Variants in PATJ observed in about 807,000 individuals in gnomAD.
PATJ encodes PATJ crumbs cell polarity complex component.
A neutral mutation model predicts 224.9 loss-of-function variants in PATJ; 190 were observed. The observed-to-expected ratio is 0.84, with a 90% CI of 0.75 to 0.95. The LOEUF (loss-of-function observed/expected upper bound fraction) is 0.95. PATJ is among the 40% of genes least tolerant of loss of function. The probability of loss-of-function intolerance (pLI) is 0.00; values close to 1 mark genes in which losing one functional copy is unlikely to be tolerated. For synonymous variants in PATJ, 769 were observed against 820.3 expected (o/e 0.94, Z 1.07); for missense variants, 2,121 against 2,270.3 (o/e 0.93, Z 1.34).
At position 62,002,962 on chromosome 1, in the gene PATJ, G is replaced by C. The variant is rs75383097; in HGVS notation, c.3867+12598G>C. 8.8e-3 allele frequency among the ~76,000 whole-genome samples: 1,342 copies of C among 152,238 alleles called. 14 individuals carry two copies. Among genetic ancestry groups the C allele is most frequent in the Non-Finnish European group, 0.014 (980 of 68,016 alleles). The stretch of plus-strand genomic sequence containing the variant: ...GCATTCCTAGTTTAGGGAAAGTCTT[G>C]ACTGGTAGCATATATCAATGTTCTT... On this transcript the variant is annotated intron_variant, in intron 28 of 43. Transcript: ENST00000642238.
intron 41 of PATJ, among the ~76,000 whole-genome samples, chr1:62,132,829 G>A (rs183096217): frequency 3.3e-5 from 5 of 151,352 alleles, no homozygotes; most frequent in African/African-American, 9.7e-5. Flanking sequence ...GCTTGAGCCC[G>A]GGGGGCAGAG....
At chr1:61,969,917 C>T (rs554376390) in intron 27 of PATJ, among the ~76,000 whole-genome samples, 64 of 152,238 alleles carry the variant, frequency 4.2e-4, no homozygotes, top group African/African-American at 1.4e-3. Flanking sequence ...TGGTCTCGAA[C>T]TCCTGACCTC....
chr1:61,983,874 G>T (rs1397282039), intron 27 of PATJ, among the ~76,000 whole-genome samples: 1 of 152,002 alleles, frequency 6.6e-6, no homozygotes, highest in Non-Finnish European at 1.5e-5. Context: ...ACCCAGGCTG[G>T]AGTGCAGTGG....
intron 33 of PATJ, among the ~76,000 whole-genome samples, chr1:62,087,870 C>G (rs545825591): frequency 6.6e-6 from 1 of 151,364 alleles, no homozygotes; most frequent in South Asian, 2.1e-4. Flanking sequence ...ATCTTCTAAT[C>G]GTATTTTTAA....
chr1:62,145,049 A>C (rs942838829), intron 41 of PATJ, among the ~76,000 whole-genome samples: 1 of 152,038 alleles, frequency 6.6e-6, no homozygotes, highest in African/African-American at 2.4e-5. Context: ...TCCTGAGCTC[A>C]AGTGATCCGC....
intron 33 of PATJ, among the ~76,000 whole-genome samples, chr1:62,091,650 C>A (rs990335515): frequency 3.9e-5 from 6 of 152,140 alleles, no homozygotes; most frequent in African/African-American, 1.4e-4. Flanking sequence ...GGCAAGGTGG[C>A]TCACACCTGT....
chr1:62,112,949 C>G (rs1057077255), intron 34 of PATJ, among the ~76,000 whole-genome samples: 1 of 152,144 alleles, frequency 6.6e-6, no homozygotes, highest in Non-Finnish European at 1.5e-5. Context: ...TAACCTGGGT[C>G]AAGTCCCTAA....
rs1644988111 is a variant in PATJ, at chr1:61,990,273, G to A, written c.3776G>A (p.Arg1259Gln). Residue 1259 changes from arginine (R) to glutamine (Q), a missense_variant, in exon 28 of 44, where the codon CGA (arginine) becomes CAA (glutamine). Transcript: ENST00000642238. Reference protein sequence around the residue: ...LGLSLAGNKDRSRMSIFVVGI... With the variant: ...LGLSLAGNKDQSRMSIFVVGI... ...CTCAGCCTTGCTGGTAATAAAGACC[G>A]ATCACGCATGAGCATATTTGTGGTG... 3.1e-6 allele frequency: 5 copies of A among 1,614,016 alleles called. No individual in the cohort carries two copies. The highest frequency in any genetic ancestry group is 2.2e-5 in the East Asian group (1 of 44,872).
At chr1:61,947,924 T>A (rs1208609209) in intron 27 of PATJ, among the ~76,000 whole-genome samples, 1 of 152,092 alleles carries the variant, frequency 6.6e-6, no homozygotes, top group East Asian at 1.9e-4. Context: ...TCTACAACCA[T>A]CTGATCTTTG....
chr1:61,788,148 G>C (rs973496867), intron 8 of PATJ, among the ~76,000 whole-genome samples, 176 bp downstream of exon 8: 2 of 151,900 alleles, frequency 1.3e-5, no homozygotes, highest in Non-Finnish European at 2.9e-5. Flanking sequence ...CTGTTTCACT[G>C]TTTCTCAGGG....
intron 27 of PATJ, among the ~76,000 whole-genome samples, chr1:61,989,854 C>G (rs1186370198): frequency 6.6e-6 from 1 of 152,120 alleles, no homozygotes; most frequent in African/African-American, 2.4e-5. Flanking sequence ...CATGCATGAC[C>G]TTAAGTACCT....
chr1:61,900,746 C>T (rs1187615437), intron 23 of PATJ, among the ~76,000 whole-genome samples: 8 of 152,092 alleles, frequency 5.3e-5, no homozygotes, highest in Non-Finnish European at 1.5e-5. Context: ...CCCGCCACTA[C>T]GCCCGGCTAA....
intron 43 of PATJ, among the ~76,000 whole-genome samples, chr1:62,153,773 T>C (rs894447996): frequency 1.3e-5 from 2 of 152,154 alleles, no homozygotes; most frequent in African/African-American, 4.8e-5. Flanking sequence ...GTGCCACTCT[T>C]TAGAAGGTGT....
intron 28 of PATJ, among the ~76,000 whole-genome samples, chr1:62,002,149 C>A (rs1487022622): frequency 1.3e-5 from 2 of 152,092 alleles, no homozygotes; most frequent in African/African-American, 4.8e-5. Flanking sequence ...GGCCCCAAAC[C>A]TACCTAGAGG....
At position 62,128,920 on chromosome 1, in the gene PATJ, A is replaced by T. The variant is rs1665997696; in HGVS notation, c.5246A>T (p.Asn1749Ile). Residue 1749 changes from asparagine (N) to isoleucine (I), a missense_variant, in exon 41 of 44, where the codon AAC (asparagine) becomes ATC (isoleucine). Transcript: ENST00000642238. ...GCGGATGTGGTTAATCTGCTGAAGAACGCCTACGGGCGCATTATCCTGCAG... is the reference window on the plus strand; with the variant it reads ...GCGGATGTGGTTAATCTGCTGAAGATCGCCTACGGGCGCATTATCCTGCAG... ...SHADVVNLLKNAYGRIILQVV... is the reference protein window; with the variant it reads ...SHADVVNLLKIAYGRIILQVV... The T allele has an allele frequency of 6.2e-7, 1 of 1,612,662 alleles. No individual in the cohort carries two copies. Among genetic ancestry groups the T allele is most frequent in the East Asian group, 2.2e-5 (1 of 44,850 alleles).
chr1:61,930,892 G>A (rs965902557), intron 27 of PATJ, among the ~76,000 whole-genome samples: 1 of 152,064 alleles, frequency 6.6e-6, no homozygotes, highest in African/African-American at 2.4e-5. Context: ...TAGAGACAGG[G>A]TTTCTTCTCC....
chr1:62,047,873 A>G (rs1652842301), intron 30 of PATJ, among the ~76,000 whole-genome samples: 1 of 152,214 alleles, frequency 6.6e-6, no homozygotes, highest in African/African-American at 2.4e-5. Context: ...TTTCTGGTTA[A>G]AAAAATCCTA....
chr1:62,156,054 T>TTA (rs1459849008), intron 43 of PATJ, among the ~76,000 whole-genome samples: 16 of 43,064 alleles, frequency 3.7e-4, no homozygotes, highest in Non-Finnish European at 5.5e-4. Context: ...CAAGACTCTG[T>TTA]AAAAAAAAAA....
rs764695775 is a variant in PATJ, at chr1:62,114,115, C to A, written c.4524C>A (p.Thr1508=). ...HEEAITALRQ[T]PQKVRLVVYR... ...AAGCCATCACAGCCCTGAGGCAGAC[C>A]CCCCAGAAGGTGCGGCTGGTGGTGT... is the stretch of plus-strand genomic sequence containing the variant. Residue 1508 remains threonine (T), a synonymous_variant, in exon 35 of 44, where the codon ACC becomes ACA. Coordinates refer to ENST00000642238, the MANE Select transcript of PATJ (RefSeq NM_001350145.3). The A allele has an allele frequency of 6.8e-6, 11 of 1,613,964 alleles. No individual in the cohort carries two copies. The highest frequency in any genetic ancestry group is 9.3e-6 in the Non-Finnish European group (11 of 1,179,994).
Sources: allele counts gnomAD v4.1 joint callset (sites outside exome capture counted in the v4.1 genomes callset), GRCh38; gene constraint gnomAD v4.1.1; transcripts MANE v1.5; gene names NCBI Gene and HGNC (gene_info 2026-07-23, HGNC 2026-07-21).